Variants in RGS6 observed in about 807,000 individuals in gnomAD.
RGS6 encodes regulator of G-protein signaling 6.
In RGS6, 30 loss-of-function variants were observed where a neutral mutation model predicts 78.5. The ratio of observed to expected loss-of-function variants is 0.38; its 90% CI spans 0.29 to 0.52. RGS6 has a LOEUF of 0.52. RGS6 is among the 20% of genes least tolerant of loss of function. The pLI, the probability that RGS6 is intolerant of heterozygous loss-of-function variation, is 0.85. For missense variants in RGS6, 495 were observed against 609.7 expected (o/e 0.81, Z 1.98); for synonymous variants, 206 against 206.0 (o/e 1.00, Z 0.00).
chr14:71,944,369 C>T (rs1384260239), intron 1 of RGS6, among the ~76,000 whole-genome samples: 1 of 152,170 alleles, frequency 6.6e-6, no homozygotes, highest in East Asian at 1.9e-4. Context: ...GTCAGATAGT[C>T]ATTGAGGAGC....
chr14:72,462,680 T>C (rs1452840670), intron 6 of RGS6, among the ~76,000 whole-genome samples: 1 of 152,170 alleles, frequency 6.6e-6, no homozygotes, highest in East Asian at 1.9e-4. Flanking sequence ...ACTGAATGAA[T>C]AAATGGATCG....
the RGS6 span, among the ~76,000 whole-genome samples, chr14:72,621,140 CA>C: frequency 0.45 from 55,062 of 121,876 alleles, 10,534 homozygotes; most frequent in East Asian, 0.78. Context: ...GACTCTGTCT[CA>C]AAAAAAAAAA....
At chr14:71,999,384 G>A (rs2153218170) in intron 2 of RGS6, among the ~76,000 whole-genome samples, 1 of 152,360 alleles carries the variant, frequency 6.6e-6, no homozygotes, top group East Asian at 1.9e-4. Context: ...GGATGGTGCG[G>A]AATGCTTTTG....
At chr14:72,463,677 A>G (rs2095837407) in intron 6 of RGS6, among the ~76,000 whole-genome samples, 1 of 152,244 alleles carries the variant, frequency 6.6e-6, no homozygotes, top group South Asian at 2.1e-4. Flanking sequence ...AATCCTGTCC[A>G]GGGCAGCATT....
chr14:72,354,939 A>G (rs1369101455), intron 3 of RGS6, among the ~76,000 whole-genome samples: 1 of 152,006 alleles, frequency 6.6e-6, no homozygotes, highest in African/African-American at 2.4e-5. Context: ...TAATTTTACT[A>G]TATTATTTTT....
rs1279625260 is a variant in RGS6 at position 72,134,587 on chromosome 14, TAGG to T, written c.84+169715_84+169717del. On this transcript the variant is annotated intron_variant, in intron 2 of 17. Coordinates refer to ENST00000553525, the MANE Select transcript of RGS6 (RefSeq NM_001204424.2). Reference sequence around the variant, plus strand: ...GGGTTCTCCAGAGAAACAGAGCTAATAGGAGAGAGAAAGAGAGATAGACAGATA... The same window carrying T: ...GGGTTCTCCAGAGAAACAGAGCTAATAGAGAGAAAGAGAGATAGACAGATA... 2.6e-5 allele frequency among the ~76,000 whole-genome samples: 4 copies of T among 152,300 alleles called. No individual in the cohort carries two copies. The East Asian group carries it at 5.8e-4, about 22-fold the overall frequency.
At chr14:71,940,110 A>G (rs1220357567) in intron 1 of RGS6, among the ~76,000 whole-genome samples, 1 of 152,218 alleles carries the variant, frequency 6.6e-6, no homozygotes, top group Non-Finnish European at 1.5e-5. Context: ...TCTGACTTGC[A>G]TAAGCCCCTA....
intron 2 of RGS6, among the ~76,000 whole-genome samples, chr14:72,097,956 G>C (rs2095443646): frequency 6.6e-6 from 1 of 152,182 alleles, no homozygotes; most frequent in Non-Finnish European, 1.5e-5. Flanking sequence ...CTATGTCGAT[G>C]TCTGGGTCAT....
chr14:72,302,681 TACACACACAC>T (rs34627833), intron 2 of RGS6, among the ~76,000 whole-genome samples: 2 of 147,850 alleles, frequency 1.4e-5, no homozygotes, highest in African/African-American at 4.9e-5. Context: ...CACATACACA[TACACACACAC>T]ACACACACAC....
intron 2 of RGS6, 51 bp from the exon 3 acceptor site, chr14:72,352,044 A>G (rs1173928788): frequency 7.2e-7 from 1 of 1,389,594 alleles, no homozygotes; most frequent in Admixed American, 1.9e-5. Flanking sequence ...GGTACCATTT[A>G]TAATTACATT....
At chr14:72,316,693 A>G (rs2070334464) in intron 2 of RGS6, among the ~76,000 whole-genome samples, 1 of 152,208 alleles carries the variant, frequency 6.6e-6, no homozygotes, top group Non-Finnish European at 1.5e-5. Context: ...TAGATTCCCT[A>G]GCCCTAGGCT....
intron 3 of RGS6, among the ~76,000 whole-genome samples, chr14:72,412,217 A>G (rs371880309): frequency 1.3e-5 from 2 of 152,192 alleles, no homozygotes; most frequent in African/African-American, 4.8e-5. Context: ...TTGGTTGGTA[A>G]GCTATTAATT....
intron 12 of RGS6, among the ~76,000 whole-genome samples, chr14:72,488,002 T>C (rs1435083793): frequency 1.3e-5 from 2 of 152,236 alleles, no homozygotes; most frequent in Non-Finnish European, 1.5e-5. Context: ...TGTCTCATTC[T>C]GATGATTCAA....
chr14:71,934,685 C>A (rs916101533), intron 1 of RGS6, among the ~76,000 whole-genome samples: 4 of 152,160 alleles, frequency 2.6e-5, no homozygotes, highest in Non-Finnish European at 5.9e-5. Flanking sequence ...AGTAAGTAGA[C>A]GTTTCTTGAG....
chr14:72,249,255 G>A (rs2055019343), intron 2 of RGS6, among the ~76,000 whole-genome samples: 1 of 152,132 alleles, frequency 6.6e-6, no homozygotes, highest in Non-Finnish European at 1.5e-5. Flanking sequence ...TTAAGAAGAG[G>A]TGGCCAGGAA....
chr14:72,307,430 C>T (rs1049786927), intron 2 of RGS6, among the ~76,000 whole-genome samples: 3 of 152,052 alleles, frequency 2.0e-5, no homozygotes, highest in East Asian at 1.9e-4. Flanking sequence ...TTCACTTTTA[C>T]ATTTAAATAT....
chr14:72,155,955 G>T (rs577421926), intron 2 of RGS6, among the ~76,000 whole-genome samples: 3 of 152,342 alleles, frequency 2.0e-5, no homozygotes, highest in South Asian at 4.1e-4. Flanking sequence ...TTGCTCTCAG[G>T]CTTGTCTGCA....
At chr14:72,566,962 A>G (rs1010802472), downstream of RGS6, among the ~76,000 whole-genome samples, 1 of 152,118 alleles carries the variant, frequency 6.6e-6, no homozygotes. Flanking sequence ...CGGTTTCCTG[A>G]GCGACAGACA....
chr14:72,328,512 A>C (rs2074293005), intron 2 of RGS6, among the ~76,000 whole-genome samples: 1 of 152,214 alleles, frequency 6.6e-6, no homozygotes. Context: ...AAATCACTAG[A>C]TCACCAAGCC....
Sources: allele counts gnomAD v4.1 joint callset (sites outside exome capture counted in the v4.1 genomes callset), GRCh38; gene constraint gnomAD v4.1.1; transcripts MANE v1.5; gene names NCBI Gene and HGNC (gene_info 2026-07-23, HGNC 2026-07-21).